DSP: variants seen among roughly 807,000 people sequenced by gnomAD.
The protein encoded by DSP is desmoplakin.
DSP carries 114 observed loss-of-function variants against 290.6 expected under a neutral mutation model. The ratio of observed to expected loss-of-function variants is 0.39; its 90% CI spans 0.34 to 0.46. DSP has a LOEUF of 0.46. Ranked by LOEUF, DSP falls within the 20% of genes least tolerant of loss-of-function variation. DSP has a pLI of 0.99. For missense variants in DSP, 3,230 were observed against 3,495.8 expected, an observed-to-expected ratio of 0.92 and a Z score of 1.92; for synonymous variants, 1,311 against 1,316.4, an observed-to-expected ratio of 1.00 and a Z score of 0.09.
At chr6:7,542,147 C>A (rs1758005848) in intron 1 of DSP, 62 bp downstream of exon 1, 23 of 1,534,780 alleles carry the variant, frequency 1.5e-5, no homozygotes, top group Non-Finnish European at 2.0e-5. Context: ...GACCGTCCTC[C>A]TCTGGACGAC....
intron 3 of DSP, 58 bp from the exon 4 acceptor site, chr6:7,559,168 A>T: frequency 1.3e-6 from 2 of 1,598,980 alleles, no homozygotes; most frequent in East Asian, 2.2e-5. Flanking sequence ...AAATTTGCCC[A>T]GAACGGGTTT....
chr6:7,543,121 T>A (rs539572860), intron 1 of DSP, among the ~76,000 whole-genome samples: 2 of 152,282 alleles, frequency 1.3e-5, no homozygotes, highest in Admixed American at 1.3e-4. Flanking sequence ...GGACTCTAGA[T>A]GCCCACGTGA....
Position 7,553,367 on chromosome 6 carries a change from C to G in DSP, c.171-2351C>G, listed in dbSNP as rs148358010. Among the ~76,000 whole-genome samples the G allele has an allele frequency of 5.3e-5, 8 of 152,352 alleles. No individual in the cohort carries two copies. The South Asian group carries it at 1.0e-3, about 20-fold the overall frequency. Reference sequence around the variant, plus strand: ...GCTAAGAGACAACTCTTTCATTTATCTGCTTGGGACTGGCATTCTTTGTGG... The same window carrying G: ...GCTAAGAGACAACTCTTTCATTTATGTGCTTGGGACTGGCATTCTTTGTGG... On this transcript the variant is annotated intron_variant, in intron 1 of 23. Coordinates refer to ENST00000379802, the MANE Select transcript of DSP (RefSeq NM_004415.4).
In DSP at chr6:7,580,699, A is replaced by G. The variant is rs1350066172; in HGVS notation, c.4509A>G (p.Glu1503=). 15 of 1,614,038 alleles carry G rather than the reference A, an allele frequency of 9.3e-6. No homozygotes were observed. Among genetic ancestry groups the G allele is most frequent in the Non-Finnish European group, 1.3e-5 (15 of 1,180,024 alleles). ...ETNDRKCLED[E]NARLQRVQYD... Reference sequence around the variant, plus strand: ...ATGACCGGAAATGCCTGGAAGATGAAAACGCGAGATTACAAAGGGTCCAGT... The same window carrying G: ...ATGACCGGAAATGCCTGGAAGATGAGAACGCGAGATTACAAAGGGTCCAGT... Residue 1503 remains glutamate (E), a synonymous_variant, in exon 23 of 24, where the codon GAA becomes GAG. Coordinates refer to ENST00000379802, the MANE Select transcript of DSP (RefSeq NM_004415.4). The surrounding 1 kb of genome is among the most constrained non-coding windows in gnomAD (Gnocchi z 4.2).
chr6:7,583,051 C>G lies in DSP; in HGVS notation c.5789C>G (p.Thr1930Arg), dbSNP rs794728126. The G allele has an allele frequency of 6.2e-7, 1 of 1,614,048 alleles. No individual in the cohort carries two copies. The highest frequency in any genetic ancestry group is 8.5e-7 in the Non-Finnish European group (1 of 1,180,030). Reference protein sequence around the residue: ...STRETQSQLETERSRYQREID... With the variant: ...STRETQSQLERERSRYQREID... ...AGGGAGACACAGTCACAGTTAGAAA[C>G]AGAACGCTCCCGATATCAGAGGGAG... Residue 1930 changes from threonine (T) to arginine (R), a missense_variant, in exon 24 of 24, where the codon ACA becomes AGA. Physicochemically the swap from Thr to Arg is moderately conservative, Grantham distance 71. Around this residue, in one of 5 missense-constraint regions of DSP, gnomAD observed 1,714 missense variants for 1,844.5 expected, o/e 0.93. Transcript: ENST00000379802. This position sits in a 1 kb window ranked among gnomAD's most constrained non-coding sequence, Gnocchi z 4.0.
chr6:7,568,494 T>G lies in DSP; in HGVS notation c.1324T>G (p.Ser442Ala), dbSNP rs755492444. The change falls in exon 11 of 24, where the codon TCT becomes GCT. Residue 442 changes from serine (S) to alanine (A), a missense_variant. Physicochemically the swap from Ser to Ala is moderately conservative, Grantham distance 99 (BLOSUM62 1). This residue lies in a region of DSP where 646 missense variants were observed against 684.3 expected (regional missense o/e 0.94). Coordinates refer to ENST00000379802, the MANE Select transcript of DSP (RefSeq NM_004415.4). The part of the protein sequence containing the change: ...KRQVQNLVNK[S>A]KKIVQLKPRN... ...TCAGGTGCAGAACTTGGTAAACAAGTCTAAGAAGATTGTACAGCTGAAGCC... is the reference window on the plus strand; with the variant it reads ...TCAGGTGCAGAACTTGGTAAACAAGGCTAAGAAGATTGTACAGCTGAAGCC... 8.7e-6 allele frequency: 14 copies of G among 1,613,944 alleles called. No homozygotes were observed. In the East Asian group the frequency reaches 2.5e-4, roughly 28 times the overall value.
At position 7,569,274 on chromosome 6, in the gene DSP, T is replaced by C; in HGVS notation, c.1508T>C (p.Met503Thr). The part of the protein sequence containing the change: ...WYVTGPGGVD[M>T]LVPSVGLIIP... ...GTGACGGGCCCGGGAGGCGTTGACA[T>C]GCTTGTTCCCTCTGTGGGGCTGATC... Residue 503 changes from methionine (M) to threonine (T), a missense_variant, in exon 12 of 24, where the codon ATG becomes ACG. This residue lies in a region of DSP where 646 missense variants were observed against 684.3 expected (regional missense o/e 0.94). Coordinates refer to ENST00000379802, the MANE Select transcript of DSP (RefSeq NM_004415.4). 1 of 1,614,138 alleles carries C rather than the reference T, an allele frequency of 6.2e-7. No homozygotes were observed. Among genetic ancestry groups the C allele is most frequent in the Non-Finnish European group, 8.5e-7 (1 of 1,180,028 alleles).
rs750800025 is a variant in DSP at position 7,576,337 on chromosome 6, C to T, written c.2674C>T (p.Arg892Cys). 9.3e-6 allele frequency: 15 copies of T among 1,613,918 alleles called. No individual in the cohort carries two copies. Among genetic ancestry groups the T allele is most frequent in the Non-Finnish European group, 1.2e-5 (14 of 1,179,978 alleles). ...ACAAATCAAGCAATTGAGGAATTAT[C>T]GTGATAACTATCAGGCTTTCTGCAA... The part of the protein sequence containing the change: ...EKQIKQLRNY[R>C]DNYQAFCKWL... Residue 892 changes from arginine to cysteine, a missense_variant, in exon 19 of 24, where the codon CGT (arginine) becomes TGT (cysteine). Transcript: ENST00000379802.
chr6:7,555,929 T>C, intron 2 of DSP, 109 bp downstream of exon 2: 1 of 909,398 alleles, frequency 1.1e-6, no homozygotes, highest in Admixed American at 2.0e-5. Context: ...TTTCACGTAG[T>C]GTTTAGAGAC....
rs543540475 is a variant in DSP at position 7,570,821 on chromosome 6, T to C, written c.1701+258T>C. Among the ~76,000 whole-genome samples the C allele has an allele frequency of 3.9e-4, 59 of 152,324 alleles. No individual in the cohort carries two copies. In the South Asian group the frequency reaches 8.3e-3, roughly 21 times the overall value. On this transcript the variant is annotated intron_variant, in intron 13 of 23. Transcript: ENST00000379802. ...CAAGCCAGAAGTGCCTGTGGAAAAG[T>C]CATGCACTCCTGTAAGATTCTGGAC...
In DSP at chr6:7,583,126, C is replaced by T. The variant is rs755928450; in HGVS notation, c.5864C>T (p.Thr1955Ile). ...RPYGSHRETQ[T>I]ECEWTVDTSK... ...TATGGGTCCCATCGAGAGACCCAGA[C>T]TGAGTGTGAGTGGACCGTTGACACC... Residue 1955 changes from threonine to isoleucine, a missense_variant, in exon 24 of 24, where the codon ACT becomes ATT. This residue lies in a region of DSP where 1,714 missense variants were observed against 1,844.5 expected (regional missense o/e 0.93). Coordinates refer to ENST00000379802, the MANE Select transcript of DSP (RefSeq NM_004415.4). The surrounding 1 kb of genome is among the most constrained non-coding windows in gnomAD (Gnocchi z 4.0). 1 of 1,614,066 alleles carries T rather than the reference C, an allele frequency of 6.2e-7. No homozygotes were observed. Among genetic ancestry groups the T allele is most frequent in the South Asian group, 1.1e-5 (1 of 91,072 alleles).
At chr6:7,550,252 G>A (rs1005125627) in intron 1 of DSP, among the ~76,000 whole-genome samples, 4 of 149,776 alleles carry the variant, frequency 2.7e-5, no homozygotes, top group African/African-American at 7.4e-5. Flanking sequence ...ATGGGGTTTC[G>A]CCATGTTGCC....
Position 7,584,858 on chromosome 6 carries a change from T to C in DSP, c.7596T>C (p.Asp2532=), listed in dbSNP as rs769362448. ...RKTGSQYDIQ[D]AIDKGLVDRK... is the part of the protein sequence containing the mutation. Reference sequence around the variant, plus strand: ...CAGGCAGTCAGTATGATATTCAAGATGCTATTGACAAGGGCCTTGTTGACA... The same window carrying C: ...CAGGCAGTCAGTATGATATTCAAGACGCTATTGACAAGGGCCTTGTTGACA... Residue 2532 remains aspartate (D), a synonymous_variant, in exon 24 of 24, where the codon GAT becomes GAC. Transcript: ENST00000379802. The surrounding 1 kb of genome is among the most constrained non-coding windows in gnomAD (Gnocchi z 6.4). 4 of 1,614,068 alleles carry C rather than the reference T, an allele frequency of 2.5e-6. No homozygotes were observed. Among genetic ancestry groups the C allele is most frequent in the African/African-American group, 1.3e-5 (1 of 74,926 alleles).
At chr6:7,577,655 G>T in intron 20 of DSP, 124 bp from the exon 21 acceptor site, 1 of 839,850 alleles carries the variant, frequency 1.2e-6, no homozygotes, top group South Asian at 1.3e-5. Context: ...CACTAGTGGC[G>T]CAAAGTCTTT....
Position 7,582,835 on chromosome 6 carries a change from A to G in DSP, c.5573A>G (p.Gln1858Arg). The G allele has an allele frequency of 1.2e-6, 2 of 1,614,194 alleles. No individual in the cohort carries two copies. The highest frequency in any genetic ancestry group is 1.7e-6 in the Non-Finnish European group (2 of 1,180,046). The change falls in exon 24 of 24, where the codon CAG becomes CGG. Residue 1858 changes from glutamine (Q) to arginine (R), a missense_variant. Gln to Arg is a conservative substitution (Grantham distance 43). This residue lies in a region of DSP where 1,714 missense variants were observed against 1,844.5 expected (regional missense o/e 0.93). Coordinates refer to ENST00000379802, the MANE Select transcript of DSP (RefSeq NM_004415.4). The surrounding 1 kb of genome is among the most constrained non-coding windows in gnomAD (Gnocchi z 4.2). ...AAACAGCGCCTGGAGTGTGAGAAAC[A>G]GCAAATTCAGAATGACCTGAATCAG... is the stretch of plus-strand genomic sequence containing the variant. ...RVKQRLECEK[Q>R]QIQNDLNQWK...
chr6:7,573,184 G>A (rs1482775286), intron 15 of DSP, among the ~76,000 whole-genome samples: 1 of 151,712 alleles, frequency 6.6e-6, no homozygotes, highest in Non-Finnish European at 1.5e-5. Context: ...ATATCTTAAG[G>A]GACCACCATT....
At chr6:7,551,562 G>A (rs1156935520) in intron 1 of DSP, among the ~76,000 whole-genome samples, 4 of 152,024 alleles carry the variant, frequency 2.6e-5, no homozygotes, top group African/African-American at 9.7e-5. Context: ...CCCAGGATGT[G>A]GAGGTTGCAA....
chr6:7,559,520 C>T, intron 4 of DSP, 120 bp downstream of exon 4: 1 of 1,273,708 alleles, frequency 7.9e-7, no homozygotes, highest in Non-Finnish European at 1.1e-6. Flanking sequence ...CAGCAGCTTG[C>T]TGTTTGCAGG....
intron 1 of DSP, among the ~76,000 whole-genome samples, chr6:7,548,018 C>T (rs181993071): frequency 3.6e-4 from 55 of 152,192 alleles, no homozygotes; most frequent in Admixed American, 5.9e-4. Context: ...GCCTGTAATC[C>T]AGCACTTTGG....
Sources: allele counts gnomAD v4.1 joint callset (sites outside exome capture counted in the v4.1 genomes callset), GRCh38; gene constraint gnomAD v4.1.1; regional missense constraint gnomAD v4.1.1; non-coding constraint Gnocchi (gnomAD v3.1); transcripts MANE v1.5; gene names NCBI Gene and HGNC (gene_info 2026-07-23, HGNC 2026-07-21).